Variants in CYTH1 observed in about 807,000 individuals in gnomAD.
The protein encoded by CYTH1 is cytohesin 1, also known as cytohesin-1.
Under a neutral mutation model 61.8 loss-of-function variants are expected in CYTH1, and 18 were observed. The ratio of observed to expected loss-of-function variants is 0.29; its 90% CI spans 0.20 to 0.43. CYTH1 has a LOEUF of 0.43. Among genes scored for constraint, CYTH1 ranks in the 20% least tolerant of loss-of-function variants. The probability of loss-of-function intolerance (pLI) is 1.00; values close to 1 mark genes in which losing one functional copy is unlikely to be tolerated. For synonymous variants in CYTH1, 174 were observed against 184.3 expected (o/e 0.94, Z 0.45); for missense variants, 336 against 510.5 (o/e 0.66, Z 3.29).
chr17:78,687,004 C>T (rs1262781586), intron 11 of CYTH1, among the ~76,000 whole-genome samples: 6 of 152,090 alleles, frequency 3.9e-5, no homozygotes, highest in Non-Finnish European at 8.8e-5. Flanking sequence ...TGGTCTCGAA[C>T]TCCCAACCTC....
At chr17:78,676,962 C>T (rs1237577531) in intron 13 of CYTH1, 1 of 454,850 alleles carries the variant, frequency 2.2e-6, no homozygotes, top group Non-Finnish European at 4.4e-6. Context: ...AGAGCTCGGG[C>T]ACAAGCCTCC....
In CYTH1 at chr17:78,746,604, C is replaced by G. The variant is rs151207451; in HGVS notation, c.22+35598G>C. On this transcript the variant is annotated intron_variant, in intron 1 of 13. Transcript: ENST00000446868. ...TAACACTTTTAGAATGCCGACTCTC[C>G]CATTTTCTAGCTGCTCTTCACATAT... is the stretch of plus-strand genomic sequence containing the variant. Among the ~76,000 whole-genome samples, 31 of 152,276 alleles carry G rather than the reference C, an allele frequency of 2.0e-4. No homozygotes were observed. The East Asian group carries it at 5.6e-3, about 28-fold the overall frequency.
intron 1 of CYTH1, among the ~76,000 whole-genome samples, chr17:78,763,836 C>T (rs1011231753): frequency 5.9e-5 from 9 of 152,184 alleles, no homozygotes; most frequent in African/African-American, 1.9e-4. Flanking sequence ...ATAGGCCAGG[C>T]GCAGTGGCTC....
rs148674423 is a variant in CYTH1 at position 78,696,192 on chromosome 17, C to T, written c.812-183G>A. ...AAAACACTCAACGGGCAAATGATCC[C>T]ACTACTGTCTGGCACGTGAACGAGG... On this transcript the variant is annotated intron_variant, in intron 9 of 13. Coordinates refer to ENST00000446868, the MANE Select transcript of CYTH1 (RefSeq NM_004762.6). Among the ~76,000 whole-genome samples, 1,158 of 152,298 alleles carry T rather than the reference C, an allele frequency of 7.6e-3. 6 individuals are homozygous for T. The highest frequency in any genetic ancestry group is 0.013 in the Non-Finnish European group (891 of 68,034).
At chr17:78,758,549 A>AC (rs1180967850) in intron 1 of CYTH1, among the ~76,000 whole-genome samples, 1 of 152,058 alleles carries the variant, frequency 6.6e-6, no homozygotes, top group Non-Finnish European at 1.5e-5. Context: ...TACTAAAAAT[A>AC]AAAAATTAGC....
At chr17:78,746,041 T>G (rs2093358334) in intron 1 of CYTH1, among the ~76,000 whole-genome samples, 1 of 152,220 alleles carries the variant, frequency 6.6e-6, no homozygotes, top group African/African-American at 2.4e-5. Context: ...CAACATTGGT[T>G]TGCCCTTTGT....
chr17:78,676,339 AC>A (rs2143938618), intron 13 of CYTH1, 170 bp from the exon 14 acceptor site: 1 of 623,322 alleles, frequency 1.6e-6, no homozygotes, highest in East Asian at 2.8e-5. Flanking sequence ...CCACACAGTG[AC>A]CTAAGGTGAC....
chr17:78,758,655 C>T lies in CYTH1; in HGVS notation c.22+23547G>A, dbSNP rs147740282. On this transcript the variant is annotated intron_variant, in intron 1 of 13. Coordinates refer to ENST00000446868, the MANE Select transcript of CYTH1 (RefSeq NM_004762.6). ...GGAGGCGGAGGAGGTTGCAGTGGGCCGAGATTGCACCATTGTATTCCAGCC... is the reference window on the plus strand; with the variant it reads ...GGAGGCGGAGGAGGTTGCAGTGGGCTGAGATTGCACCATTGTATTCCAGCC... Among the ~76,000 whole-genome samples the T allele has an allele frequency of 7.3e-5, 11 of 151,136 alleles. No individual in the cohort carries two copies. In the East Asian group the frequency reaches 1.8e-3, roughly 24 times the overall value.
chr17:78,686,581 C>T (rs1385616651), intron 11 of CYTH1, among the ~76,000 whole-genome samples: 3 of 152,090 alleles, frequency 2.0e-5, no homozygotes, highest in East Asian at 1.9e-4. Flanking sequence ...ATCGAAGATA[C>T]TCCCCGAGTT....
At chr17:78,778,724 C>T (rs988217057) in intron 1 of CYTH1, among the ~76,000 whole-genome samples, 6 of 151,186 alleles carry the variant, frequency 4.0e-5, no homozygotes, top group African/African-American at 7.3e-5. Context: ...GAGGCCAAGG[C>T]GGGAGGATGG....
At chr17:78,765,776 CACAG>C (rs1354942635) in intron 1 of CYTH1, among the ~76,000 whole-genome samples, 1 of 152,138 alleles carries the variant, frequency 6.6e-6, no homozygotes, top group African/African-American at 2.4e-5. Context: ...AACCAGAGTC[CACAG>C]CTGAGCTGAG....
rs1326255701 is a variant in CYTH1 at position 78,782,193 on chromosome 17, C to G, written c.22+9G>C. On this transcript the variant is annotated intron_variant, in intron 1 of 13. Transcript: ENST00000446868. Reference sequence around the variant, plus strand: ...GAGGGGGAAGCGTCCGCCGCCGGGGCGCACTGACCGTAGCTGTCGTCCTCC... The same window carrying G: ...GAGGGGGAAGCGTCCGCCGCCGGGGGGCACTGACCGTAGCTGTCGTCCTCC... 9 of 1,366,600 alleles carry G rather than the reference C, an allele frequency of 6.6e-6. No homozygotes were observed. The highest frequency in any genetic ancestry group is 2.6e-4 in the Middle Eastern group (1 of 3,876). The allele number at this position is 1,366,600 out of a possible 1,614,324, so 84.7% of individuals were successfully genotyped here.
chr17:78,735,924 A>C (rs2093318180), intron 1 of CYTH1, among the ~76,000 whole-genome samples: 1 of 152,236 alleles, frequency 6.6e-6, no homozygotes, highest in South Asian at 2.1e-4. Context: ...CAGGGCTTTA[A>C]GACACAGCTC....
intron 11 of CYTH1, among the ~76,000 whole-genome samples, chr17:78,684,928 T>C (rs1332509010): frequency 6.6e-6 from 1 of 152,112 alleles, no homozygotes; most frequent in Non-Finnish European, 1.5e-5. Flanking sequence ...TGACCAGGCA[T>C]GGTGGCTCAC....
rs531004692 is a variant in CYTH1, at chr17:78,681,678, C to T, written c.892-636G>A. ...CAGCACACGCCTGACGGCAGTTTCACAGTCCCCTGATATCCAGCCAACCCA... is the reference window on the plus strand; with the variant it reads ...CAGCACACGCCTGACGGCAGTTTCATAGTCCCCTGATATCCAGCCAACCCA... On this transcript the variant is annotated intron_variant, in intron 11 of 13. Transcript: ENST00000446868. Among the ~76,000 whole-genome samples, 3 of 152,204 alleles carry T rather than the reference C, an allele frequency of 2.0e-5. No individual in the cohort carries two copies. In the East Asian group the frequency reaches 5.8e-4, roughly 30 times the overall value.
chr17:78,704,230 T>C (rs1212843499), intron 3 of CYTH1, among the ~76,000 whole-genome samples: 1 of 152,170 alleles, frequency 6.6e-6, no homozygotes, highest in Non-Finnish European at 1.5e-5. Flanking sequence ...CATGATCCCA[T>C]GTGTGGAGTC....
chr17:78,733,945 G>C (rs566460512), intron 1 of CYTH1, among the ~76,000 whole-genome samples: 8 of 152,332 alleles, frequency 5.3e-5, no homozygotes, highest in South Asian at 2.1e-4. Flanking sequence ...AGATGCCAAA[G>C]AGAGAGTTCA....
intron 1 of CYTH1, among the ~76,000 whole-genome samples, chr17:78,739,434 G>GGGGGAA (rs1452315223): frequency 2.0e-5 from 3 of 152,182 alleles, no homozygotes; most frequent in Non-Finnish European, 4.4e-5. Flanking sequence ...ACTGTGGAGT[G>GGGGGAA]GGGGAAGTGG....
rs1008959081 is a variant in CYTH1 at position 78,675,075 on chromosome 17, C to T, written c.*1016G>A. The T allele has an allele frequency of 6.6e-6, 1 of 152,262 alleles. No individual in the cohort carries two copies. Among genetic ancestry groups the T allele is most frequent in the Non-Finnish European group, 1.5e-5 (1 of 68,088 alleles). 9.4% of individuals were successfully genotyped at this position (152,262 alleles called of 1,614,324 possible). A position where few individuals can be genotyped will look rare whatever the true frequency, so the allele number is the denominator to read the frequency against. On this transcript the variant is annotated 3_prime_UTR_variant, in exon 14 of 14. Coordinates refer to ENST00000446868, the MANE Select transcript of CYTH1 (RefSeq NM_004762.6). Reference sequence around the variant, plus strand: ...CTACGGGGATCGGGGAAGTCCTACTCCTTCCTCTAGAACGAGGACTGGAGT... The same window carrying T: ...CTACGGGGATCGGGGAAGTCCTACTTCTTCCTCTAGAACGAGGACTGGAGT...
Sources: gnomAD v4.1 joint callset for allele counts (sites outside exome capture counted in the v4.1 genomes callset) on GRCh38, gnomAD v4.1.1 for gene constraint, MANE v1.5 for transcripts, NCBI Gene and HGNC (gene_info 2026-07-23, HGNC 2026-07-21) for gene names.